Variants in SLCO3A1 observed in about 807,000 individuals in gnomAD.
The protein encoded by SLCO3A1 is solute carrier organic anion transporter family member 3A1.
A neutral mutation model predicts 63.1 loss-of-function variants in SLCO3A1; 27 were observed. The observed-to-expected ratio is 0.43, with a 90% CI of 0.32 to 0.59. The LOEUF (loss-of-function observed/expected upper bound fraction) is 0.59. Among genes scored for constraint, SLCO3A1 ranks in the 20% least tolerant of loss-of-function variants. The probability of loss-of-function intolerance (pLI) is 0.09; values close to 1 mark genes in which losing one functional copy is unlikely to be tolerated. For missense variants in SLCO3A1, 773 were observed against 945.8 expected (o/e 0.82, Z 2.40); for synonymous variants, 473 against 409.9 (o/e 1.15, Z -1.86).
At chr15:92,109,254 G>A (rs2047701012) in intron 4 of SLCO3A1, among the ~76,000 whole-genome samples, 1 of 152,136 alleles carries the variant, frequency 6.6e-6, no homozygotes, top group South Asian at 2.1e-4. Flanking sequence ...CCCGGGCGAA[G>A]GCTCCAGTGT....
At chr15:92,012,018 A>T (rs1425888034) in intron 2 of SLCO3A1, among the ~76,000 whole-genome samples, 1 of 152,236 alleles carries the variant, frequency 6.6e-6, no homozygotes, top group Non-Finnish European at 1.5e-5. Flanking sequence ...ATGAGCGGGG[A>T]CTGAAGCCTC....
intron 5 of SLCO3A1, among the ~76,000 whole-genome samples, chr15:92,120,959 T>C (rs2047856003): frequency 6.6e-6 from 1 of 152,178 alleles, no homozygotes; most frequent in Admixed American, 6.5e-5. Flanking sequence ...TAGCAGGTTT[T>C]AATCAGCCAC....
intron 1 of SLCO3A1, among the ~76,000 whole-genome samples, chr15:91,907,940 C>T (rs1219166615): frequency 6.6e-6 from 1 of 152,066 alleles, no homozygotes; most frequent in Non-Finnish European, 1.5e-5. Context: ...AGTACAGAGG[C>T]CCAGAGAGAG....
intron 2 of SLCO3A1, among the ~76,000 whole-genome samples, chr15:91,993,685 C>T (rs1339796353): frequency 6.6e-6 from 1 of 152,220 alleles, no homozygotes; most frequent in Non-Finnish European, 1.5e-5. Flanking sequence ...CAGTAATCCT[C>T]ATTTCCTGGT....
rs1435678741 is a variant in SLCO3A1 at position 92,047,570 on chromosome 15, AAATATATATATAATATATATAT to A, written c.647-47302_647-47281del. Among the ~76,000 whole-genome samples, 4 of 7,896 alleles carry A rather than the reference AAATATATATATAATATATATAT, an allele frequency of 5.1e-4. 1 individual carries two copies. Among genetic ancestry groups the A allele is most frequent in the Non-Finnish European group, 8.3e-4 (4 of 4,844 alleles). The allele number at this position is 7,896 out of a possible 152,430, so 5.2% of individuals were successfully genotyped here. A position where few individuals can be genotyped will look rare whatever the true frequency, so the allele number is the denominator to read the frequency against. On this transcript the variant is annotated intron_variant, in intron 2 of 9. Coordinates refer to ENST00000318445, the MANE Select transcript of SLCO3A1 (RefSeq NM_013272.4). ...TATATAAATATATAAATATATATAT[AAATATATATATAATATATATAT>A]AATATATAATATATATATAATATAT...
At chr15:92,015,885 T>C (rs1236032279) in intron 2 of SLCO3A1, among the ~76,000 whole-genome samples, 2 of 152,128 alleles carry the variant, frequency 1.3e-5, no homozygotes, top group Non-Finnish European at 2.9e-5. Flanking sequence ...CAGGAGCTGA[T>C]AGCTGGAAAA....
intron 3 of SLCO3A1, among the ~76,000 whole-genome samples, chr15:92,100,549 G>T (rs962548851): frequency 6.6e-6 from 1 of 152,180 alleles, no homozygotes; most frequent in Non-Finnish European, 1.5e-5. Context: ...CTTGCCAGAA[G>T]GCTGAAACTG....
rs571099025 is a variant in SLCO3A1, at chr15:91,882,546, A to G, written c.180+28458A>G. On this transcript the variant is annotated intron_variant, in intron 1 of 9. Coordinates refer to ENST00000318445, the MANE Select transcript of SLCO3A1 (RefSeq NM_013272.4). This position sits in a 1 kb window ranked among gnomAD's most constrained non-coding sequence, Gnocchi z 4.4. The stretch of plus-strand genomic sequence containing the variant: ...TTTTTTTTCCTTGAGATGGAGTTTC[A>G]CTCTGTCGCCCAGGCCCGAGTGCAG... Among the ~76,000 whole-genome samples, 12 of 139,988 alleles carry G rather than the reference A, an allele frequency of 8.6e-5. No individual in the cohort carries two copies. In the South Asian group the frequency reaches 2.4e-3, roughly 28 times the overall value. The allele number at this position is 139,988 out of a possible 152,430, so 91.8% of individuals were successfully genotyped here.
chr15:91,965,781 G>C (rs756833659), intron 2 of SLCO3A1, among the ~76,000 whole-genome samples: 1 of 151,176 alleles, frequency 6.6e-6, no homozygotes, highest in African/African-American at 2.4e-5. Context: ...AGTGAGTGTG[G>C]GTGTGCACAC....
chr15:92,021,218 G>A (rs1364595098), intron 2 of SLCO3A1, among the ~76,000 whole-genome samples: 1 of 152,112 alleles, frequency 6.6e-6, no homozygotes, highest in Non-Finnish European at 1.5e-5. Flanking sequence ...CAGAAGGCCT[G>A]CTGAATCCCT....
At chr15:91,977,396 G>A (rs1431500580) in intron 2 of SLCO3A1, among the ~76,000 whole-genome samples, 1 of 152,206 alleles carries the variant, frequency 6.6e-6, no homozygotes, top group Admixed American at 6.5e-5. Context: ...AACACACTTA[G>A]AGGTGATATC....
At chr15:91,957,989 A>G (rs979420284) in intron 2 of SLCO3A1, among the ~76,000 whole-genome samples, 2 of 152,132 alleles carry the variant, frequency 1.3e-5, no homozygotes, top group African/African-American at 4.8e-5. Flanking sequence ...CATGAACAAC[A>G]TGGGTTTGAA....
chr15:91,935,103 G>A lies in SLCO3A1; in HGVS notation c.646+18645G>A, dbSNP rs372409478. ...TGAGTAGCTGGGGCTACAGCCGTGTGCCACCACGCCTGGCTAATTTTTGTA... is the reference window on the plus strand; with the variant it reads ...TGAGTAGCTGGGGCTACAGCCGTGTACCACCACGCCTGGCTAATTTTTGTA... On this transcript the variant is annotated intron_variant, in intron 2 of 9. Coordinates refer to ENST00000318445, the MANE Select transcript of SLCO3A1 (RefSeq NM_013272.4). 1.8e-4 allele frequency among the ~76,000 whole-genome samples: 28 copies of A among 152,262 alleles called. 2 individuals are homozygous for A. The East Asian group carries it at 5.2e-3, about 28-fold the overall frequency.
intron 2 of SLCO3A1, among the ~76,000 whole-genome samples, chr15:91,920,691 A>G (rs1034541193): frequency 1.4e-4 from 21 of 152,162 alleles, no homozygotes; most frequent in Admixed American, 4.6e-4. Context: ...GAACCGCAGT[A>G]ACCACTAGGA....
In SLCO3A1 at chr15:92,126,342, C is replaced by G; in HGVS notation, c.1373+83C>G. 2.5e-6 allele frequency: 3 copies of G among 1,201,996 alleles called. No homozygotes were observed. In the South Asian group the frequency reaches 3.8e-5, roughly 15 times the overall value. The allele number at this position is 1,201,996 out of a possible 1,614,324, so 74.5% of individuals were successfully genotyped here. A position where few individuals can be genotyped will look rare whatever the true frequency, so the allele number is the denominator to read the frequency against. ...CTCTGCAGTAGGTTGAGGGAACCAG[C>G]TTTGTTCCTAGTGACCTGAGGAGAC... On this transcript the variant is annotated intron_variant, in intron 6 of 9. Transcript: ENST00000318445.
Position 91,916,125 on chromosome 15 carries a change from C to T in SLCO3A1, c.313C>T (p.Arg105Trp). Residue 105 changes from arginine (R) to tryptophan (W), a missense_variant, in exon 2 of 10, where the codon CGG becomes TGG. Arg to Trp is a moderately radical substitution (Grantham distance 101). Transcript: ENST00000318445. This position sits in a 1 kb window ranked among gnomAD's most constrained non-coding sequence, Gnocchi z 6.2. ...GAGCTACTTCGGGGCACGCGGGCACCGGCCGCGCCTGATCGGCTGCGGCGG... is the reference window on the plus strand; with the variant it reads ...GAGCTACTTCGGGGCACGCGGGCACTGGCCGCGCCTGATCGGCTGCGGCGG... ...FVSYFGARGHRPRLIGCGGIV... is the reference protein window; with the variant it reads ...FVSYFGARGHWPRLIGCGGIV... 3 of 1,610,518 alleles carry T rather than the reference C, an allele frequency of 1.9e-6. No homozygotes were observed. The highest frequency in any genetic ancestry group is 2.5e-6 in the Non-Finnish European group (3 of 1,179,278).
chr15:92,084,501 C>T (rs1222120479), intron 2 of SLCO3A1, among the ~76,000 whole-genome samples: 1 of 152,200 alleles, frequency 6.6e-6, no homozygotes, highest in Non-Finnish European at 1.5e-5. Context: ...AGAGCCTTGA[C>T]ACCGATCCTC....
chr15:91,915,666 G>C (rs1325649403), intron 1 of SLCO3A1, among the ~76,000 whole-genome samples: 1 of 152,122 alleles, frequency 6.6e-6, no homozygotes, highest in Non-Finnish European at 1.5e-5. Context: ...TTCATGGGCT[G>C]TCTGTGGTGG....
In SLCO3A1 at chr15:91,894,126, T is replaced by C. The variant is rs142785281; in HGVS notation, c.181-21867T>C. ...TGTTCCAGGCAGATGCAGTAGCACA[T>C]TGTCTCAAGTTGAGGATGGGTTTGA... On this transcript the variant is annotated intron_variant, in intron 1 of 9. Coordinates refer to ENST00000318445, the MANE Select transcript of SLCO3A1 (RefSeq NM_013272.4). This position sits in a 1 kb window ranked among gnomAD's most constrained non-coding sequence, Gnocchi z 4.8. Among the ~76,000 whole-genome samples the C allele has an allele frequency of 2.3e-3, 351 of 152,192 alleles. 1 individual carries two copies. Among genetic ancestry groups the C allele is most frequent in the African/African-American group, 8.0e-3 (333 of 41,522 alleles).
Sources: allele counts gnomAD v4.1 joint callset (sites outside exome capture counted in the v4.1 genomes callset), GRCh38; gene constraint gnomAD v4.1.1; non-coding constraint Gnocchi (gnomAD v3.1); transcripts MANE v1.5; gene names NCBI Gene and HGNC (gene_info 2026-07-23, HGNC 2026-07-21).